PARD3B: variants seen among roughly 807,000 people sequenced by gnomAD.
PARD3B encodes partitioning defective 3 homolog B.
In PARD3B, 103 loss-of-function variants were observed where a neutral mutation model predicts 130.2. That is an observed-to-expected ratio of 0.79 (90% CI 0.67 to 0.93). The LOEUF is 0.93. PARD3B is among the 40% of genes least tolerant of loss of function. The pLI is 0.00. For missense variants in PARD3B, 1,609 were observed against 1,499.2 expected (o/e 1.07, Z -1.21); for synonymous variants, 583 against 553.2 (o/e 1.05, Z -0.76).
intron 5 of PARD3B, 25 bp from the exon 6 acceptor site, chr2:205,113,466 G>T (rs1703799310): frequency 6.4e-7 from 1 of 1,565,742 alleles, no homozygotes; most frequent in Non-Finnish European, 8.8e-7. Flanking sequence ...ACACTCATTT[G>T]TGCTCTTGTT....
At chr2:205,581,955 C>T (rs1050915063) in intron 22 of PARD3B, among the ~76,000 whole-genome samples, 3 of 152,168 alleles carry the variant, frequency 2.0e-5, no homozygotes, top group African/African-American at 7.2e-5. Flanking sequence ...GATGGGGAGC[C>T]TGGTCCTGCT....
chr2:205,458,522 A>C lies in PARD3B; in HGVS notation c.3044+17850A>C, dbSNP rs777897788. On this transcript the variant is annotated intron_variant, in intron 20 of 22. Transcript: ENST00000406610. This position sits in a 1 kb window ranked among gnomAD's most constrained non-coding sequence, Gnocchi z 4.8. Reference sequence around the variant, plus strand: ...ACCCTTCTGTTGAGCACTTAATTTTAGTTATTGTAATTTTCAGTTTTAGGT... The same window carrying C: ...ACCCTTCTGTTGAGCACTTAATTTTCGTTATTGTAATTTTCAGTTTTAGGT... 1.1e-4 allele frequency among the ~76,000 whole-genome samples: 16 copies of C among 151,920 alleles called. No homozygotes were observed. The highest frequency in any genetic ancestry group is 2.2e-4 in the Non-Finnish European group (15 of 67,970).
At chr2:204,940,412 T>C (rs191128912) in intron 2 of PARD3B, among the ~76,000 whole-genome samples, 8 of 152,112 alleles carry the variant, frequency 5.3e-5, no homozygotes, top group African/African-American at 1.7e-4. Flanking sequence ...GCCTCCAGCA[T>C]TGACAGGTAA....
chr2:204,796,708 T>C (rs147465285), intron 2 of PARD3B, among the ~76,000 whole-genome samples: 116 of 152,336 alleles, frequency 7.6e-4, no homozygotes, highest in Middle Eastern at 3.4e-3. Flanking sequence ...AGAGGTTCAT[T>C]AGCTTTTCTA....
At chr2:205,349,064 A>C (rs2043897493) in intron 18 of PARD3B, among the ~76,000 whole-genome samples, 1 of 152,194 alleles carries the variant, frequency 6.6e-6, no homozygotes, top group African/African-American at 2.4e-5. Context: ...TTATTATATC[A>C]TTTACCAAAT....
At chr2:204,822,560 A>T (rs1167633212) in intron 2 of PARD3B, among the ~76,000 whole-genome samples, 1 of 152,216 alleles carries the variant, frequency 6.6e-6, no homozygotes, top group African/African-American at 2.4e-5. Context: ...TATTTGTATA[A>T]TAAACATCTT....
At chr2:204,654,082 C>G (rs12694009) in intron 1 of PARD3B, among the ~76,000 whole-genome samples, 1 of 150,838 alleles carries the variant, frequency 6.6e-6, no homozygotes, top group South Asian at 2.1e-4. Flanking sequence ...ATTGTGTGGT[C>G]CTCTTTATCT....
rs71032448 is a variant in PARD3B at position 205,164,822 on chromosome 2, T to TACACACACACACACACACAC, written c.1620+5922_1620+5941dup. ...GGTACCTATAGGCCATATATATGTA[T>TACACACACACACACACACAC]ACACACACACACACACACACACACA... On this transcript the variant is annotated intron_variant, in intron 11 of 22. Transcript: ENST00000406610. Among the ~76,000 whole-genome samples the TACACACACACACACACACAC allele has an allele frequency of 3.9e-4, 58 of 147,348 alleles. 1 individual carries two copies. The highest frequency in any genetic ancestry group is 1.9e-3 in the Admixed American group (28 of 14,684).
intron 15 of PARD3B, among the ~76,000 whole-genome samples, chr2:205,242,121 A>G (rs2039379139): frequency 6.6e-6 from 1 of 152,128 alleles, no homozygotes; most frequent in African/African-American, 2.4e-5. Context: ...CTTTTCCATT[A>G]TGTTTATTCA....
In PARD3B at chr2:205,440,350, A is replaced by C. The variant is rs1227940854; in HGVS notation, c.2742-20A>C. ...TATGAAACTCACATACATCTTTGCT[A>C]CCTGTACTGTATTTTTCAGGATTGG... On this transcript the variant is annotated intron_variant, in intron 19 of 22. Coordinates refer to ENST00000406610, the MANE Select transcript of PARD3B (RefSeq NM_001302769.2). This position sits in a 1 kb window ranked among gnomAD's most constrained non-coding sequence, Gnocchi z 4.2. 1 of 1,609,454 alleles carries C rather than the reference A, an allele frequency of 6.2e-7. No homozygotes were observed. Among genetic ancestry groups the C allele is most frequent in the Admixed American group, 1.7e-5 (1 of 59,918 alleles).
At chr2:204,670,653 C>A (rs1024322420) in intron 1 of PARD3B, among the ~76,000 whole-genome samples, 1 of 152,118 alleles carries the variant, frequency 6.6e-6, no homozygotes, top group Admixed American at 6.5e-5. Context: ...ATAACTCAAG[C>A]TATACGTTTT....
At chr2:205,050,000 A>G (rs1699078038) in intron 4 of PARD3B, among the ~76,000 whole-genome samples, 1 of 151,982 alleles carries the variant, frequency 6.6e-6, no homozygotes, top group African/African-American at 2.4e-5. Flanking sequence ...CTCCATGAAT[A>G]CTTTAAGCTT....
At chr2:204,622,888 A>G (rs1406027652) in intron 1 of PARD3B, among the ~76,000 whole-genome samples, 2 of 152,104 alleles carry the variant, frequency 1.3e-5, no homozygotes, top group Non-Finnish European at 2.9e-5. Context: ...GTTGGTAGAA[A>G]ATCTGTAGCT....
chr2:204,640,004 A>G (rs561622910), intron 1 of PARD3B, among the ~76,000 whole-genome samples: 2 of 152,048 alleles, frequency 1.3e-5, no homozygotes, highest in South Asian at 2.1e-4. Flanking sequence ...CTATAATGTT[A>G]ACACTTTGGG....
At chr2:205,106,529 G>A (rs4675497) in intron 5 of PARD3B, among the ~76,000 whole-genome samples, 145,373 of 150,656 alleles carry the variant, frequency 0.96, 70,237 homozygotes, top group Non-Finnish European at 0.99. Flanking sequence ...GTGTGTGTGT[G>A]TATATTTGAT....
intron 20 of PARD3B, among the ~76,000 whole-genome samples, chr2:205,495,023 C>T (rs1437746596): frequency 1.3e-5 from 2 of 152,120 alleles, no homozygotes; most frequent in African/African-American, 4.8e-5. Context: ...TGAAGGCATG[C>T]ACAGATGAAC....
At chr2:205,599,033 A>C (rs908662677) in intron 22 of PARD3B, among the ~76,000 whole-genome samples, 1 of 152,174 alleles carries the variant, frequency 6.6e-6, no homozygotes, top group Non-Finnish European at 1.5e-5. Flanking sequence ...TCAAATTAAC[A>C]ACCTAATATC....
intron 20 of PARD3B, among the ~76,000 whole-genome samples, chr2:205,488,007 A>C (rs1477404119): frequency 6.6e-6 from 1 of 152,132 alleles, no homozygotes; most frequent in Non-Finnish European, 1.5e-5. Flanking sequence ...AAAATAATAC[A>C]AGTTTTGTAG....
At chr2:205,449,016 A>G (rs28500723) in intron 20 of PARD3B, among the ~76,000 whole-genome samples, 15,134 of 151,568 alleles carry the variant, frequency 0.1, 1,040 homozygotes, top group African/African-American at 0.2. Context: ...AAAATACAAA[A>G]TTAGCTGGGC....
Sources: gnomAD v4.1 joint callset for allele counts (sites outside exome capture counted in the v4.1 genomes callset) on GRCh38, gnomAD v4.1.1 for gene constraint, Gnocchi (gnomAD v3.1) non-coding constraint, MANE v1.5 for transcripts, NCBI Gene and HGNC (gene_info 2026-07-23, HGNC 2026-07-21) for gene names.